TBCE: variants seen among roughly 807,000 people sequenced by gnomAD.
TBCE encodes the protein tubulin folding cofactor E.
TBCE carries 53 observed loss-of-function variants against 77.0 expected under a neutral mutation model. That is an observed-to-expected ratio of 0.69 (90% CI 0.55 to 0.87). TBCE has a LOEUF of 0.87. TBCE is among the 40% of genes least tolerant of loss of function. The pLI is 0.00. For synonymous variants in TBCE, 235 were observed against 241.3 expected (o/e 0.97, Z 0.24); for missense variants, 624 against 622.4 (o/e 1.00, Z -0.03).
intron 13 of TBCE, among the ~76,000 whole-genome samples, chr1:235,440,051 A>G (rs1329924073): frequency 6.6e-6 from 1 of 151,992 alleles, no homozygotes; most frequent in Admixed American, 6.6e-5. Context: ...GCTCACTGCA[A>G]GCTCCGCCTC....
intron 3 of TBCE, among the ~76,000 whole-genome samples, chr1:235,407,018 A>G (rs962186138): frequency 1.3e-5 from 2 of 151,430 alleles, no homozygotes; most frequent in Non-Finnish European, 2.9e-5. Context: ...ATTTTTAGAC[A>G]GGATTTCTCC....
chr1:235,394,175 C>T (rs186972066), intron 2 of TBCE, among the ~76,000 whole-genome samples: 59 of 152,110 alleles, frequency 3.9e-4, no homozygotes, highest in African/African-American at 1.3e-3. Context: ...GCTGGGTTCA[C>T]GCCATTCTCC....
chr1:235,410,132 T>C (rs1679699496), intron 3 of TBCE, among the ~76,000 whole-genome samples: 1 of 145,090 alleles, frequency 6.9e-6, no homozygotes, highest in Non-Finnish European at 1.5e-5. Flanking sequence ...GGAGAATTGC[T>C]TCAACCCGGG....
Position 235,434,223 on chromosome 1 carries a change from G to C in TBCE, c.680G>C (p.Gly227Ala). The C allele has an allele frequency of 6.2e-7, 1 of 1,613,994 alleles. No homozygotes were observed. Among genetic ancestry groups the C allele is most frequent in the Non-Finnish European group, 8.5e-7 (1 of 1,180,002 alleles). The part of the protein sequence containing the change: ...TWAEVLRCVA[G>A]CPGLEELYLE... ...TTCCAGGTGCTGCGGTGTGTCGCGG[G>C]GTGCCCAGGCCTGGAGGAACTCTAC... The change falls in exon 8 of 17, where the codon GGG becomes GCG. Residue 227 changes from glycine to alanine, a missense_variant. By Grantham distance (60) the Gly-to-Ala change is moderately conservative. Coordinates refer to ENST00000642610, the MANE Select transcript of TBCE (RefSeq NM_003193.5).
chr1:235,442,995 A>C, intron 15 of TBCE, 84 bp downstream of exon 15: 1 of 1,377,316 alleles, frequency 7.3e-7, no homozygotes, highest in Non-Finnish European at 1.0e-6. Flanking sequence ...CCTTTAACTC[A>C]TGTCTCAAAG....
At chr1:235,428,096 G>A (rs1412299915) in intron 6 of TBCE, among the ~76,000 whole-genome samples, 4 of 151,582 alleles carry the variant, frequency 2.6e-5, no homozygotes, top group Non-Finnish European at 5.9e-5. Flanking sequence ...AGGCTGAGGC[G>A]GGCGGATCAT....
Position 235,434,229 on chromosome 1 carries a change from C to T in TBCE, c.686C>T (p.Pro229Leu). The change falls in exon 8 of 17, where the codon CCA becomes CTA. Residue 229 changes from proline to leucine, a missense_variant. Coordinates refer to ENST00000642610, the MANE Select transcript of TBCE (RefSeq NM_003193.5). ...AEVLRCVAGCPGLEELYLESN... is the reference protein window; with the variant it reads ...AEVLRCVAGCLGLEELYLESN... ...GTGCTGCGGTGTGTCGCGGGGTGCCCAGGCCTGGAGGAACTCTACCTTGAG... is the reference window on the plus strand; with the variant it reads ...GTGCTGCGGTGTGTCGCGGGGTGCCTAGGCCTGGAGGAACTCTACCTTGAG... The T allele has an allele frequency of 1.2e-6, 2 of 1,614,128 alleles. No homozygotes were observed. The highest frequency in any genetic ancestry group is 1.7e-6 in the Non-Finnish European group (2 of 1,180,020).
At position 235,414,436 on chromosome 1, in the gene TBCE, C is replaced by A. The variant is rs1344720787; in HGVS notation, c.189C>A (p.His63Gln). Residue 63 changes from histidine to glutamine, a missense_variant, in exon 4 of 17, where the codon CAC (histidine) becomes CAA (glutamine). His to Gln is a conservative substitution (Grantham distance 24). Coordinates refer to ENST00000642610, the MANE Select transcript of TBCE (RefSeq NM_003193.5). ...HEGTVYFKCR[H>Q]PTGGSFIRPN... ...TTCATTTGCTCTTCTTTACCAGGCA[C>A]CCGACAGGAGGATCCTTTATTCGTC... 1 of 1,613,330 alleles carries A rather than the reference C, an allele frequency of 6.2e-7. No individual in the cohort carries two copies. Among genetic ancestry groups the A allele is most frequent in the South Asian group, 1.1e-5 (1 of 91,016 alleles).
intron 1 of TBCE, 39 bp downstream of exon 1, chr1:235,367,543 T>C (rs1370792843): frequency 6.5e-6 from 1 of 152,788 alleles, no homozygotes; most frequent in Non-Finnish European, 1.5e-5. Context: ...GGAACGAGCA[T>C]TCCTGGCCGG....
At chr1:235,375,915 G>T (rs1475732652) in intron 1 of TBCE, among the ~76,000 whole-genome samples, 2 of 152,082 alleles carry the variant, frequency 1.3e-5, no homozygotes. Context: ...GGGCTTGGTG[G>T]CACATGCCTA....
At chr1:235,448,615 T>A in intron 16 of TBCE, 55 bp from the exon 17 acceptor site, 3 of 1,492,982 alleles carry the variant, frequency 2.0e-6, no homozygotes, top group Non-Finnish European at 2.8e-6. Context: ...ATGTGTAGCA[T>A]GCTTTATCGG....
At chr1:235,443,022 T>TA in intron 15 of TBCE, 111 bp downstream of exon 15, 1 of 1,067,026 alleles carries the variant, frequency 9.4e-7, no homozygotes, top group Non-Finnish European at 1.4e-6. Context: ...CCTCAGAACT[T>TA]ACAGGTTTTC....
At chr1:235,443,822 A>G (rs1049115523) in intron 15 of TBCE, among the ~76,000 whole-genome samples, 22 of 152,332 alleles carry the variant, frequency 1.4e-4, no homozygotes, top group African/African-American at 5.3e-4. Context: ...TGGTACTGGA[A>G]CTGAATTACT....
chr1:235,422,915 T>C (rs1680479964), intron 5 of TBCE, among the ~76,000 whole-genome samples: 2 of 152,200 alleles, frequency 1.3e-5, no homozygotes. Flanking sequence ...TCCTGAAGAA[T>C]CAGCATGTTG....
At chr1:235,388,282 TC>T (rs376079023) in intron 2 of TBCE, among the ~76,000 whole-genome samples, 24 of 149,150 alleles carry the variant, frequency 1.6e-4, no homozygotes, top group Non-Finnish European at 2.2e-4. Context: ...CTCTGTTACT[TC>T]TTTTTTTTTT....
intron 15 of TBCE, among the ~76,000 whole-genome samples, 154 bp from the exon 16 acceptor site, chr1:235,448,195 C>A (rs1048057256): frequency 2.4e-5 from 3 of 126,240 alleles, no homozygotes; most frequent in Non-Finnish European, 4.7e-5. Context: ...GCAAGACTTA[C>A]TTAAGTAAGT....
At chr1:235,367,818 A>C (rs1676637195) in intron 1 of TBCE, among the ~76,000 whole-genome samples, 1 of 152,246 alleles carries the variant, frequency 6.6e-6, no homozygotes, top group African/African-American at 2.4e-5. Flanking sequence ...GTGTCACCTT[A>C]GAGGAACAGC....
At chr1:235,434,640 G>C (rs892548803) in intron 8 of TBCE, among the ~76,000 whole-genome samples, 8 of 150,718 alleles carry the variant, frequency 5.3e-5, no homozygotes, top group African/African-American at 2.0e-4. Flanking sequence ...GAGTTCAAGC[G>C]ATTCTTCTGC....
intron 2 of TBCE, among the ~76,000 whole-genome samples, chr1:235,389,369 C>G (rs1156541477): frequency 6.6e-6 from 1 of 152,026 alleles, no homozygotes; most frequent in East Asian, 1.9e-4. Flanking sequence ...TTCTTGTTGC[C>G]TAGGCTGGAG....
Sources: allele counts gnomAD v4.1 joint callset (sites outside exome capture counted in the v4.1 genomes callset), GRCh38; gene constraint gnomAD v4.1.1; transcripts MANE v1.5; gene names NCBI Gene and HGNC (gene_info 2026-07-23, HGNC 2026-07-21).